Variants in GINM1 observed in about 807,000 individuals in gnomAD.
The protein encoded by GINM1 is glycosylated integral membrane protein 1.
In GINM1, 29 loss-of-function variants were observed where a neutral mutation model predicts 37.8. That is an observed-to-expected ratio of 0.77 (90% CI 0.57 to 1.05). GINM1 has a LOEUF of 1.05. Ranked by LOEUF, GINM1 falls within the 50% of genes least tolerant of loss-of-function variation. GINM1 has a pLI of 0.00. For synonymous variants in GINM1, 143 were observed against 146.2 expected, an observed-to-expected ratio of 0.98 and a Z score of 0.16; for missense variants, 377 against 397.9, an observed-to-expected ratio of 0.95 and a Z score of 0.45.
intron 6 of GINM1, among the ~76,000 whole-genome samples, chr6:149,581,455 G>A (rs1447412386): frequency 3.3e-5 from 5 of 152,080 alleles, no homozygotes; most frequent in African/African-American, 7.2e-5. Flanking sequence ...CACCATCCCC[G>A]GCCGATAATT....
chr6:149,575,598 C>G (rs1186720909), intron 3 of GINM1, among the ~76,000 whole-genome samples: 1 of 152,130 alleles, frequency 6.6e-6, no homozygotes, highest in African/African-American at 2.4e-5. Flanking sequence ...CTTGGCCCTT[C>G]AAGTGCTGGC....
intron 1 of GINM1, among the ~76,000 whole-genome samples, chr6:149,569,010 T>G (rs1176926963): frequency 1.3e-5 from 2 of 151,626 alleles, no homozygotes; most frequent in South Asian, 2.1e-4. Context: ...TTTTGTATTT[T>G]TATTTTTATT....
At chr6:149,587,718 G>A (rs893240194) in intron 7 of GINM1, among the ~76,000 whole-genome samples, 5 of 152,234 alleles carry the variant, frequency 3.3e-5, no homozygotes, top group Non-Finnish European at 2.9e-5. Context: ...GTCCTTTTGG[G>A]TTCTTTTGCA....
Position 149,572,345 on chromosome 6 carries a change from G to A in GINM1, c.180+1G>A. On this transcript the variant is annotated splice_donor_variant, in intron 2 of 7. Coordinates refer to ENST00000367419, the MANE Select transcript of GINM1 (RefSeq NM_138785.5). LOFTEE classifies it high-confidence loss of function. Reference sequence around the variant, plus strand: ...TGATGGGGACATATCTAAACAGCAGGTTTGTCTCCTTTTCTGGTTTTAATA... The same window carrying A: ...TGATGGGGACATATCTAAACAGCAGATTTGTCTCCTTTTCTGGTTTTAATA... 6.9e-6 allele frequency: 11 copies of A among 1,582,862 alleles called. No individual in the cohort carries two copies. Among genetic ancestry groups the A allele is most frequent in the Non-Finnish European group, 9.5e-6 (11 of 1,162,260 alleles).
chr6:149,572,280 T>A lies in GINM1; in HGVS notation c.121-5T>A. On this transcript the variant is annotated splice_region_variant and splice_polypyrimidine_tract_variant and intron_variant, in intron 1 of 7. Transcript: ENST00000367419. ...CTTCCAATTTACACAATACTTGTTT[T>A]ACAGGACGGCATCAGAATTAATGTA... is the stretch of plus-strand genomic sequence containing the variant. The A allele has an allele frequency of 6.3e-7, 1 of 1,579,912 alleles. No homozygotes were observed. The highest frequency in any genetic ancestry group is 8.6e-7 in the Non-Finnish European group (1 of 1,159,598).
intron 7 of GINM1, among the ~76,000 whole-genome samples, chr6:149,583,988 T>C (rs1375785331): frequency 6.6e-6 from 1 of 152,112 alleles, no homozygotes; most frequent in African/African-American, 2.4e-5. Flanking sequence ...ATTTTATTTA[T>C]TTATTGAGAT....
rs1035628782 is a variant in GINM1 at position 149,590,991 on chromosome 6, A to G, written c.*153A>G. 2 of 564,778 alleles carry G rather than the reference A, an allele frequency of 3.5e-6. No individual in the cohort carries two copies. Among genetic ancestry groups the G allele is most frequent in the South Asian group, 4.6e-5 (2 of 43,750 alleles). 35.0% of individuals were successfully genotyped at this position (564,778 alleles called of 1,614,324 possible). A position where few individuals can be genotyped will look rare whatever the true frequency, so the allele number is the denominator to read the frequency against. ...CTGAAAATTGACCTTTACAGTGCCA[A>G]GTTAAAGTTTACCTTATTCTCGGCC... On this transcript the variant is annotated 3_prime_UTR_variant, in exon 8 of 8. Coordinates refer to ENST00000367419, the MANE Select transcript of GINM1 (RefSeq NM_138785.5).
intron 3 of GINM1, among the ~76,000 whole-genome samples, chr6:149,574,272 G>A (rs1373865061): frequency 3.3e-5 from 5 of 152,054 alleles, no homozygotes; most frequent in East Asian, 1.9e-4. Flanking sequence ...GGCCGGTCTC[G>A]AACTCCTGAC....
chr6:149,575,922 A>G (rs1777907685), intron 3 of GINM1, among the ~76,000 whole-genome samples: 1 of 152,218 alleles, frequency 6.6e-6, no homozygotes, highest in Non-Finnish European at 1.5e-5. Context: ...CATCTTATCC[A>G]GTTACAGCAA....
chr6:149,569,120 T>A (rs1236938860), intron 1 of GINM1, among the ~76,000 whole-genome samples: 1 of 151,974 alleles, frequency 6.6e-6, no homozygotes, highest in Non-Finnish European at 1.5e-5. Flanking sequence ...TTCTGCCTCC[T>A]GGGTTCAGGT....
intron 1 of GINM1, among the ~76,000 whole-genome samples, chr6:149,567,783 A>G (rs1031653673): frequency 1.3e-5 from 2 of 152,240 alleles, no homozygotes; most frequent in Non-Finnish European, 2.9e-5. Context: ...AACCACCTAT[A>G]TCTGAAATTA....
At chr6:149,577,946 C>A (rs1777939700) in intron 3 of GINM1, 1 of 152,178 alleles carries the variant, frequency 6.6e-6, no homozygotes, top group East Asian at 1.9e-4. Context: ...AGAACGTGGA[C>A]AATAGCTAGT....
rs1777722943 is a variant in GINM1 at position 149,566,650 on chromosome 6, C to T, written c.120+116C>T. ...GGCGGGCAGGGGCGGGGGTCCGGGC[C>T]CCCGAAGGAGGTGTGGGGAGAAGCA... is the stretch of plus-strand genomic sequence containing the variant. On this transcript the variant is annotated intron_variant, in intron 1 of 7. Transcript: ENST00000367419. The surrounding 1 kb of genome is among the most constrained non-coding windows in gnomAD (Gnocchi z 4.4). 6 of 1,322,336 alleles carry T rather than the reference C, an allele frequency of 4.5e-6. No individual in the cohort carries two copies. Among genetic ancestry groups the T allele is most frequent in the Non-Finnish European group, 5.9e-6 (6 of 1,020,214 alleles). 81.9% of individuals were successfully genotyped at this position (1,322,336 alleles called of 1,614,324 possible).
At chr6:149,575,045 A>C (rs1357373639) in intron 3 of GINM1, among the ~76,000 whole-genome samples, 2 of 152,106 alleles carry the variant, frequency 1.3e-5, no homozygotes, top group Non-Finnish European at 2.9e-5. Flanking sequence ...TGTTTTATGT[A>C]GTCCAATATT....
rs766194984 is a variant in GINM1, at chr6:149,590,758, A to T, written c.913A>T (p.Ile305Leu). ...GILQLDKVDV[I>L]PVTAINLYPD... The stretch of plus-strand genomic sequence containing the variant: ...TCTTCAGTTGGATAAAGTGGACGTC[A>T]TACCTGTGACAGCTATCAACTTATA... The change falls in exon 8 of 8, where the codon ATA (isoleucine) becomes TTA (leucine). Residue 305 changes from isoleucine to leucine, a missense_variant. Ile to Leu is a conservative substitution (Grantham distance 5). Coordinates refer to ENST00000367419, the MANE Select transcript of GINM1 (RefSeq NM_138785.5). The T allele has an allele frequency of 6.3e-6, 10 of 1,594,694 alleles. No individual in the cohort carries two copies. The South Asian group carries it at 1.0e-4, about 16-fold the overall frequency.
At chr6:149,590,580 C>T (rs1223175104) in intron 7 of GINM1, 147 bp from the exon 8 acceptor site, 1 of 559,440 alleles carries the variant, frequency 1.8e-6, no homozygotes, top group East Asian at 3.0e-5. Context: ...TCAGTTTGTA[C>T]AACCACTATG....
In GINM1 at chr6:149,566,645, C is replaced by G; in HGVS notation, c.120+111C>G. 1 of 1,334,910 alleles carries G rather than the reference C, an allele frequency of 7.5e-7. No homozygotes were observed. The highest frequency in any genetic ancestry group is 3.4e-5 in the Admixed American group (1 of 29,722). 82.7% of individuals were successfully genotyped at this position (1,334,910 alleles called of 1,614,324 possible). ...CCACCGGCGGGCAGGGGCGGGGGTCCGGGCCCCCGAAGGAGGTGTGGGGAG... is the reference window on the plus strand; with the variant it reads ...CCACCGGCGGGCAGGGGCGGGGGTCGGGGCCCCCGAAGGAGGTGTGGGGAG... On this transcript the variant is annotated intron_variant, in intron 1 of 7. Coordinates refer to ENST00000367419, the MANE Select transcript of GINM1 (RefSeq NM_138785.5). The surrounding 1 kb of genome is among the most constrained non-coding windows in gnomAD (Gnocchi z 4.4).
At position 149,591,120 on chromosome 6, in the gene GINM1, C is replaced by T. The variant is rs185216229; in HGVS notation, c.*282C>T. On this transcript the variant is annotated 3_prime_UTR_variant, in exon 8 of 8. Transcript: ENST00000367419. ...TCCTGCCAACATGGTGAAACCCTGT[C>T]TCTACTAAAAAAAATAAAAAAATTA... The T allele has an allele frequency of 7.3e-3, 1,626 of 221,932 alleles. 17 individuals are homozygous for T. The highest frequency in any genetic ancestry group is 0.024 in the Middle Eastern group (15 of 626). The allele number at this position is 221,932 out of a possible 1,614,324, so 13.7% of individuals were successfully genotyped here. A position where few individuals can be genotyped will look rare whatever the true frequency, so the allele number is the denominator to read the frequency against.
intron 7 of GINM1, among the ~76,000 whole-genome samples, chr6:149,587,877 C>T (rs1778096855): frequency 6.6e-6 from 1 of 152,160 alleles, no homozygotes; most frequent in Non-Finnish European, 1.5e-5. Flanking sequence ...TTGAGGCTAT[C>T]CAGGATCCCC....
Sources: allele counts gnomAD v4.1 joint callset (sites outside exome capture counted in the v4.1 genomes callset), GRCh38; gene constraint gnomAD v4.1.1; non-coding constraint Gnocchi (gnomAD v3.1); transcripts MANE v1.5; gene names NCBI Gene and HGNC (gene_info 2026-07-23, HGNC 2026-07-21).